TRDN: variants seen among roughly 807,000 people sequenced by gnomAD.
TRDN encodes the protein triadin in skeletal muscle.
A neutral mutation model predicts 149.7 loss-of-function variants in TRDN; 161 were observed. The ratio of observed to expected loss-of-function variants is 1.08; its 90% CI spans 0.95 to 1.23. The LOEUF (loss-of-function observed/expected upper bound fraction) is 1.23. Ranked by LOEUF, TRDN falls within the 50% of genes most tolerant of loss-of-function variation. The pLI is 0.00. For missense variants in TRDN, 896 were observed against 823.5 expected (o/e 1.09, Z -1.08); for synonymous variants, 294 against 250.5 (o/e 1.17, Z -1.64).
At chr6:123,272,597 A>G (rs1423874804) in intron 29 of TRDN, among the ~76,000 whole-genome samples, 1 of 151,930 alleles carries the variant, frequency 6.6e-6, no homozygotes, top group African/African-American at 2.4e-5. Flanking sequence ...GGACTTGGAG[A>G]GTCTAAAATG....
intron 8 of TRDN, among the ~76,000 whole-genome samples, chr6:123,500,096 G>C: frequency 6.6e-6 from 1 of 151,926 alleles, no homozygotes; most frequent in East Asian, 1.9e-4. Flanking sequence ...ACAGCCCAAT[G>C]AACTTCTAAT....
chr6:123,365,192 T>G (rs2114354319), intron 20 of TRDN, among the ~76,000 whole-genome samples: 1 of 152,280 alleles, frequency 6.6e-6, no homozygotes. Flanking sequence ...TTTCAATAAC[T>G]TAATTGCTTC....
chr6:123,250,248 C>G (rs913862656), intron 38 of TRDN, among the ~76,000 whole-genome samples: 1 of 152,002 alleles, frequency 6.6e-6, no homozygotes, highest in Non-Finnish European at 1.5e-5. Flanking sequence ...AGGACCTGGT[C>G]CCTGCTAGAC....
At chr6:123,317,762 G>A (rs1420054780) in intron 23 of TRDN, among the ~76,000 whole-genome samples, 1 of 151,852 alleles carries the variant, frequency 6.6e-6, no homozygotes, top group East Asian at 1.9e-4. Flanking sequence ...ATCAGCACTG[G>A]GTGAAATATC....
chr6:123,372,329 T>C (rs1389795866), intron 19 of TRDN, among the ~76,000 whole-genome samples: 2 of 152,176 alleles, frequency 1.3e-5, no homozygotes, highest in African/African-American at 4.8e-5. Context: ...ATGATAGATA[T>C]CTGACTCACA....
At chr6:123,325,371 C>A (rs1401317411) in intron 23 of TRDN, among the ~76,000 whole-genome samples, 1 of 151,876 alleles carries the variant, frequency 6.6e-6, no homozygotes, top group Non-Finnish European at 1.5e-5. Flanking sequence ...AGAAAAAGTA[C>A]AGAAAAATTA....
intron 20 of TRDN, among the ~76,000 whole-genome samples, chr6:123,354,824 C>T (rs1175897932): frequency 6.6e-6 from 1 of 151,672 alleles, no homozygotes; most frequent in Non-Finnish European, 1.5e-5. Context: ...CAATAGGACT[C>T]TGGAAGCACA....
intron 1 of TRDN, among the ~76,000 whole-genome samples, chr6:123,586,360 TG>T (rs1489989975): frequency 2.0e-5 from 3 of 151,908 alleles, no homozygotes; most frequent in Non-Finnish European, 4.4e-5. Flanking sequence ...AGAGGTCAGA[TG>T]TGTCTGTAGA....
At chr6:123,322,741 T>C (rs1294326336) in intron 23 of TRDN, among the ~76,000 whole-genome samples, 6 of 151,604 alleles carry the variant, frequency 4.0e-5, no homozygotes, top group African/African-American at 1.2e-4. Context: ...CCTGGATTCA[T>C]GCCATTCTCC....
At chr6:123,428,760 C>A (rs757849031) in intron 12 of TRDN, among the ~76,000 whole-genome samples, 1 of 152,146 alleles carries the variant, frequency 6.6e-6, no homozygotes, top group Non-Finnish European at 1.5e-5. Flanking sequence ...GAAGTAATTT[C>A]TATACTTCTG....
intron 1 of TRDN, among the ~76,000 whole-genome samples, chr6:123,624,225 G>A (rs946472294): frequency 6.6e-6 from 1 of 152,090 alleles, no homozygotes; most frequent in Non-Finnish European, 1.5e-5. Context: ...ATAGGAAGAA[G>A]ATAAAATACT....
intron 1 of TRDN, among the ~76,000 whole-genome samples, chr6:123,579,720 T>C (rs990066469): frequency 1.3e-5 from 2 of 152,138 alleles, no homozygotes; most frequent in African/African-American, 2.4e-5. Flanking sequence ...CCAAATCTCA[T>C]CTTAAATTGT....
chr6:123,545,414 C>T (rs1391169589), intron 4 of TRDN, among the ~76,000 whole-genome samples: 1 of 151,804 alleles, frequency 6.6e-6, no homozygotes, highest in East Asian at 1.9e-4. Context: ...TGCCTCTATA[C>T]TTCCATGAAA....
intron 19 of TRDN, among the ~76,000 whole-genome samples, chr6:123,369,417 A>G (rs1166992728): frequency 1.3e-5 from 2 of 152,112 alleles, no homozygotes; most frequent in East Asian, 3.9e-4. Flanking sequence ...TATGTCTGCC[A>G]AAACACCAAA....
At chr6:123,532,879 C>A (rs1780316171) in intron 4 of TRDN, among the ~76,000 whole-genome samples, 1 of 151,740 alleles carries the variant, frequency 6.6e-6, no homozygotes, top group Non-Finnish European at 1.5e-5. Flanking sequence ...AGCAAAGGAC[C>A]TTTACAAAAC....
intron 2 of TRDN, among the ~76,000 whole-genome samples, chr6:123,554,131 T>C (rs959676474): frequency 2.4e-4 from 37 of 152,218 alleles, no homozygotes; most frequent in African/African-American, 8.7e-4. Flanking sequence ...TGTTTGCCCC[T>C]GACCTCCCAG....
chr6:123,350,494 C>T, intron 21 of TRDN: 1 of 569,832 alleles, frequency 1.8e-6, no homozygotes, highest in Non-Finnish European at 2.2e-6. Context: ...ATTATTTATA[C>T]TTCTGAAGAT....
chr6:123,411,405 G>C (rs1351194097), intron 12 of TRDN, among the ~76,000 whole-genome samples: 1 of 152,146 alleles, frequency 6.6e-6, no homozygotes, highest in Non-Finnish European at 1.5e-5. Flanking sequence ...CAAGCAACAG[G>C]ATGAGTGTGA....
chr6:123,481,837 T>G (rs1777763455), intron 9 of TRDN, among the ~76,000 whole-genome samples: 1 of 152,174 alleles, frequency 6.6e-6, no homozygotes, highest in South Asian at 2.1e-4. Flanking sequence ...CTTTGTAAAT[T>G]TCCTTTCTCA....
Sources: allele counts gnomAD v4.1 joint callset (sites outside exome capture counted in the v4.1 genomes callset), GRCh38; gene constraint gnomAD v4.1.1; transcripts MANE v1.5; gene names NCBI Gene and HGNC (gene_info 2026-07-23, HGNC 2026-07-21).